Variants in SEMA4B observed in about 807,000 individuals in gnomAD.
The protein encoded by SEMA4B is semaphorin 4B.
Under a neutral mutation model 88.1 loss-of-function variants are expected in SEMA4B, and 55 were observed. That is an observed-to-expected ratio of 0.62 (90% CI 0.50 to 0.78). SEMA4B has a LOEUF of 0.78. Among genes scored for constraint, SEMA4B ranks in the 30% least tolerant of loss-of-function variants. The pLI is 0.00. For synonymous variants in SEMA4B, 525 were observed against 473.6 expected (o/e 1.11, Z -1.41); for missense variants, 1,062 against 1,111.9 (o/e 0.96, Z 0.64).
chr15:90,206,987 C>T (rs1299677567), intron 1 of SEMA4B: 3 of 468,568 alleles, frequency 6.4e-6, no homozygotes, highest in Non-Finnish European at 1.2e-5. Flanking sequence ...CTTTGGCTCA[C>T]AAAAAAAACA....
At position 90,221,084 on chromosome 15, in the gene SEMA4B, C is replaced by T. The variant is rs1248585059; in HGVS notation, c.586C>T (p.Leu196=). ...PFDPNFKSTA[L]VVDGELYTGT... ...CGACCCGAATTTCAAGTCCACTGCC[C>T]TGGTGGTTGGTGAGTGTTGAGGGCA... Residue 196 remains leucine, a synonymous_variant, in exon 5 of 14, where the codon CTG becomes TTG. Transcript: ENST00000411539. The T allele has an allele frequency of 6.2e-7, 1 of 1,603,954 alleles. No individual in the cohort carries two copies. Among genetic ancestry groups the T allele is most frequent in the Non-Finnish European group, 8.5e-7 (1 of 1,175,058 alleles).
intron 1 of SEMA4B, among the ~76,000 whole-genome samples, chr15:90,211,000 T>G (rs1961240413): frequency 6.6e-6 from 1 of 152,142 alleles, no homozygotes; most frequent in Non-Finnish European, 1.5e-5. Flanking sequence ...TAGGATTTGG[T>G]CTCTGAGGAG....
At chr15:90,197,991 A>C, upstream of SEMA4B, among the ~76,000 whole-genome samples, 1 of 148,494 alleles carries the variant, frequency 6.7e-6, no homozygotes, top group Non-Finnish European at 1.5e-5. Context: ...CAGTGGCGTG[A>C]TCTCGGCTCA....
Position 90,227,928 on chromosome 15 carries a change from A to G in SEMA4B, c.1799A>G (p.Gln600Arg). The change falls in exon 14 of 14, where the codon CAG becomes CGG. Residue 600 changes from glutamine to arginine, a missense_variant. Physicochemically the swap from Gln to Arg is conservative, Grantham distance 43. Coordinates refer to ENST00000411539, the MANE Select transcript of SEMA4B (RefSeq NM_198925.4). ...PTGEKPCEQV[Q>R]FQPNTVNTLA... ...GGGGAGAAGCCATGTGAGCAAGTCCAGTTCCAGCCCAACACAGTGAACACT... is the reference window on the plus strand; with the variant it reads ...GGGGAGAAGCCATGTGAGCAAGTCCGGTTCCAGCCCAACACAGTGAACACT... 1.2e-6 allele frequency: 2 copies of G among 1,613,056 alleles called. No individual in the cohort carries two copies. Among genetic ancestry groups the G allele is most frequent in the Non-Finnish European group, 1.7e-6 (2 of 1,179,858 alleles).
chr15:90,217,288 C>G, intron 1 of SEMA4B, 151 bp from the exon 2 acceptor site: 1 of 665,696 alleles, frequency 1.5e-6, no homozygotes, highest in Middle Eastern at 2.5e-4. Context: ...GCTCGCCCAT[C>G]AAACCTGATC....
chr15:90,189,822 G>A (rs537277856), intron 1 of SEMA4B, among the ~76,000 whole-genome samples: 7 of 152,258 alleles, frequency 4.6e-5, no homozygotes, highest in Non-Finnish European at 8.8e-5. Context: ...CATTCTTGGC[G>A]TTCACAGCTC....
Position 90,228,842 on chromosome 15 carries a change from GC to G in SEMA4B, c.*203del. On this transcript the variant is annotated 3_prime_UTR_variant, in exon 14 of 14. Coordinates refer to ENST00000411539, the MANE Select transcript of SEMA4B (RefSeq NM_198925.4). ...CCACCCAGACACCCAAACAGCCGTG[GC>G]CCCAGAGGTCCTGGCCAAATATGGG... The G allele has an allele frequency of 1.4e-6, 1 of 700,026 alleles. No homozygotes were observed. Among genetic ancestry groups the G allele is most frequent in the Non-Finnish European group, 2.3e-6 (1 of 430,034 alleles). The allele number at this position is 700,026 out of a possible 1,614,324, so 43.4% of individuals were successfully genotyped here. A position where few individuals can be genotyped will look rare whatever the true frequency, so the allele number is the denominator to read the frequency against.
At chr15:90,193,649 C>G (rs1312265030) in intron 1 of SEMA4B, 1 of 152,144 alleles carries the variant, frequency 6.6e-6, no homozygotes, top group South Asian at 2.1e-4. Flanking sequence ...TGCCAAGACA[C>G]CAGGGCAAAG....
intron 1 of SEMA4B, among the ~76,000 whole-genome samples, chr15:90,211,583 C>T (rs1205013414): frequency 6.6e-6 from 1 of 152,192 alleles, no homozygotes; most frequent in Non-Finnish European, 1.5e-5. Flanking sequence ...GAAGTGCACC[C>T]AGGTTGGCAG....
intron 13 of SEMA4B, 85 bp from the exon 14 acceptor site, chr15:90,227,819 G>T: frequency 6.3e-7 from 1 of 1,579,846 alleles, no homozygotes; most frequent in East Asian, 2.2e-5. Flanking sequence ...CGTGGCACCA[G>T]GGGCATAGCC....
intron 1 of SEMA4B, among the ~76,000 whole-genome samples, chr15:90,191,523 T>C (rs751202430): frequency 2.0e-5 from 3 of 152,174 alleles, no homozygotes; most frequent in Non-Finnish European, 4.4e-5. Flanking sequence ...ACCCATGAAG[T>C]GCTGTTCATA....
chr15:90,185,140 G>T, intron 1 of SEMA4B: 1 of 898,212 alleles, frequency 1.1e-6, no homozygotes, highest in Non-Finnish European at 1.3e-6. Flanking sequence ...GGCGGACCAG[G>T]CGAAAACCGC....
At position 90,201,476 on chromosome 15, in the gene SEMA4B, CCGGGGCGACTCGGGGGCGGACCG is replaced by C. The variant is rs1203342159; in HGVS notation, c.-95_-73del. On this transcript the variant is annotated 5_prime_UTR_variant, in exon 1 of 14. Coordinates refer to ENST00000411539, the MANE Select transcript of SEMA4B (RefSeq NM_198925.4). ...CCCCCAGGTCCGGAGGCGGGGGCCC[CCGGGGCGACTCGGGGGCGGACCG>C]CGGGGCGGAGCTGCCGCCCGTGAGT... 2.7e-5 allele frequency: 36 copies of C among 1,310,050 alleles called. No homozygotes were observed. The African/African-American group carries it at 4.5e-4, about 16-fold the overall frequency. 81.2% of individuals were successfully genotyped at this position (1,310,050 alleles called of 1,614,324 possible).
At chr15:90,213,565 C>T (rs1451586496) in intron 1 of SEMA4B, among the ~76,000 whole-genome samples, 2 of 152,222 alleles carry the variant, frequency 1.3e-5, no homozygotes, top group Non-Finnish European at 2.9e-5. Context: ...TCTGTAGTGC[C>T]CGAGGCAGGT....
chr15:90,202,147 C>T (rs1237201944), intron 1 of SEMA4B, among the ~76,000 whole-genome samples: 2 of 152,264 alleles, frequency 1.3e-5, no homozygotes, highest in Non-Finnish European at 2.9e-5. Context: ...CTGGTATTCC[C>T]AGCAAGTCGC....
chr15:90,221,239 TC>T, intron 5 of SEMA4B, 127 bp from the exon 6 acceptor site: 1 of 1,149,036 alleles, frequency 8.7e-7, no homozygotes, highest in Non-Finnish European at 1.3e-6. Flanking sequence ...GTTTGGTTTT[TC>T]CAAGTTCCAG....
chr15:90,228,426 C>T lies in SEMA4B; in HGVS notation c.2297C>T (p.Pro766Leu), dbSNP rs557128543. The T allele has an allele frequency of 6.2e-7, 1 of 1,607,202 alleles. No homozygotes were observed. The highest frequency in any genetic ancestry group is 1.3e-5 in the African/African-American group (1 of 74,972). The change falls in exon 14 of 14, where the codon CCC becomes CTC. Residue 766 changes from proline (P) to leucine (L), a missense_variant. Transcript: ENST00000411539. ...CCCAAGACCTGCCCTGTGGTGCTGCCCCCTGAGACCCGCCCACTCAACGGC... is the reference window on the plus strand; with the variant it reads ...CCCAAGACCTGCCCTGTGGTGCTGCTCCCTGAGACCCGCCCACTCAACGGC... ...VHPKTCPVVL[P>L]PETRPLNGLG...
At position 90,229,342 on chromosome 15, in the gene SEMA4B, T is replaced by C. The variant is rs555087112; in HGVS notation, c.*699T>C. On this transcript the variant is annotated 3_prime_UTR_variant, in exon 14 of 14. Transcript: ENST00000411539. Reference sequence around the variant, plus strand: ...GGACAGCGCGAGCTCAGGAGAGATTTCGTGACAATGTACGCCTTTCCCTCA... The same window carrying C: ...GGACAGCGCGAGCTCAGGAGAGATTCCGTGACAATGTACGCCTTTCCCTCA... The C allele has an allele frequency of 2.6e-4, 121 of 456,876 alleles. No individual in the cohort carries two copies. Among genetic ancestry groups the C allele is most frequent in the South Asian group, 1.7e-3 (109 of 64,572 alleles). 28.3% of individuals were successfully genotyped at this position (456,876 alleles called of 1,614,324 possible).
At chr15:90,220,745 A>AGGCAGTGTGGCACTGT (rs1567057818) in intron 4 of SEMA4B, among the ~76,000 whole-genome samples, 2 of 151,714 alleles carry the variant, frequency 1.3e-5, no homozygotes, top group African/African-American at 4.8e-5. Context: ...GGTCACTGTG[A>AGGCAGTGTGGCACTGT]GGCAGTGTGG....
Sources: gnomAD v4.1 joint callset for allele counts (sites outside exome capture counted in the v4.1 genomes callset) on GRCh38, gnomAD v4.1.1 for gene constraint, MANE v1.5 for transcripts, NCBI Gene and HGNC (gene_info 2026-07-23, HGNC 2026-07-21) for gene names.